Variants in PTPRM observed in about 807,000 individuals in gnomAD.
The protein encoded by PTPRM is receptor-type tyrosine-protein phosphatase mu.
In PTPRM, 47 loss-of-function variants were observed where a neutral mutation model predicts 186.7. The observed-to-expected ratio is 0.25, with a 90% confidence interval of 0.20 to 0.32. PTPRM has a LOEUF of 0.32. Among genes scored for constraint, PTPRM ranks in the 10% least tolerant of loss-of-function variants. The pLI is 1.00. For missense variants in PTPRM, 1,494 were observed against 1,865.0 expected (o/e 0.80, Z 3.66); for synonymous variants, 668 against 674.9 (o/e 0.99, Z 0.16).
chr18:7,729,632 T>G (rs2040617349), intron 1 of PTPRM, among the ~76,000 whole-genome samples: 1 of 152,198 alleles, frequency 6.6e-6, no homozygotes, highest in African/African-American at 2.4e-5. Context: ...AAAATGGCCT[T>G]GGGGCTCTTA....
At chr18:7,901,794 GTATT>G (rs1315509581) in intron 3 of PTPRM, among the ~76,000 whole-genome samples, 1 of 152,160 alleles carries the variant, frequency 6.6e-6, no homozygotes, top group Non-Finnish European at 1.5e-5. Flanking sequence ...TCATTTAGTC[GTATT>G]TATTTCACAA....
chr18:7,907,265 T>C (rs1438817103), intron 4 of PTPRM, among the ~76,000 whole-genome samples: 1 of 152,232 alleles, frequency 6.6e-6, no homozygotes, highest in Non-Finnish European at 1.5e-5. Context: ...AGTGGTGAGC[T>C]GGTTGTTGCA....
At chr18:8,172,373 A>G (rs1361381472) in intron 14 of PTPRM, among the ~76,000 whole-genome samples, 1 of 150,298 alleles carries the variant, frequency 6.7e-6, no homozygotes, top group South Asian at 2.1e-4. Context: ...ATAGCCTGTT[A>G]GTAGCTGTGT....
At chr18:8,296,529 A>G in intron 20 of PTPRM, 74 bp downstream of exon 20, 1 of 1,104,872 alleles carries the variant, frequency 9.1e-7, no homozygotes, top group Non-Finnish European at 1.4e-6. Flanking sequence ...CACCAGGCTC[A>G]TACAGAGGAA....
Position 7,982,589 on chromosome 18 carries a change from A to G in PTPRM, c.1132+27175A>G, listed in dbSNP as rs553940537. ...TAAAAAAGTATATTATAGTAAAACC[A>G]TAAACCAGTAACATAGTTGTCTATT... On this transcript the variant is annotated intron_variant, in intron 7 of 32. Transcript: ENST00000580170. Among the ~76,000 whole-genome samples the G allele has an allele frequency of 5.3e-5, 8 of 152,184 alleles. No homozygotes were observed. In the South Asian group the frequency reaches 1.0e-3, roughly 20 times the overall value.
intron 1 of PTPRM, among the ~76,000 whole-genome samples, chr18:7,626,044 G>A (rs890277593): frequency 1.1e-4 from 16 of 152,146 alleles, no homozygotes; most frequent in African/African-American, 3.6e-4. Flanking sequence ...CCTACTGTGA[G>A]GCTAAAATGC....
At chr18:8,252,876 A>G (rs1010457583) in intron 18 of PTPRM, among the ~76,000 whole-genome samples, 1 of 152,198 alleles carries the variant, frequency 6.6e-6, no homozygotes, top group Non-Finnish European at 1.5e-5. Context: ...TACTGAACTA[A>G]TGTTTCAAAG....
intron 14 of PTPRM, among the ~76,000 whole-genome samples, chr18:8,240,817 AG>A (rs2094424354): frequency 2.9e-4 from 10 of 34,686 alleles, no homozygotes; most frequent in African/African-American, 8.0e-4. Context: ...AGAGAGAGAG[AG>A]AGAGAGAGAA....
chr18:7,704,050 T>C (rs191611227), intron 1 of PTPRM, among the ~76,000 whole-genome samples: 2 of 152,322 alleles, frequency 1.3e-5, no homozygotes, highest in Non-Finnish European at 2.9e-5. Context: ...ATAAGGTTTT[T>C]GATATGCTGC....
At chr18:7,610,134 G>T (rs1299562480) in intron 1 of PTPRM, among the ~76,000 whole-genome samples, 7 of 152,120 alleles carry the variant, frequency 4.6e-5, no homozygotes, top group South Asian at 2.1e-4. Flanking sequence ...TTTTAAGAAA[G>T]GTCTCAAAGA....
rs1164982835 is a variant in PTPRM, at chr18:7,582,703, G to T, written c.73+14812G>T. Among the ~76,000 whole-genome samples, 25 of 152,234 alleles carry T rather than the reference G, an allele frequency of 1.6e-4. 1 individual carries two copies. The highest frequency in any genetic ancestry group is 1.6e-3 in the Admixed American group (25 of 15,286). ...GAAAAAGAAAAGTTTAGGGTTGGAA[G>T]AACTGCGTTCAAGGGCCAGCACTGC... On this transcript the variant is annotated intron_variant, in intron 1 of 32. Transcript: ENST00000580170.
At chr18:7,603,094 AT>A (rs2037447757) in intron 1 of PTPRM, among the ~76,000 whole-genome samples, 1 of 151,230 alleles carries the variant, frequency 6.6e-6, no homozygotes, top group African/African-American at 2.4e-5. Context: ...CGCCTGGCTA[AT>A]TTTTTTGTAT....
At chr18:7,608,447 T>C (rs1411982038) in intron 1 of PTPRM, among the ~76,000 whole-genome samples, 6 of 152,176 alleles carry the variant, frequency 3.9e-5, no homozygotes, top group Non-Finnish European at 8.8e-5. Context: ...AACCACTATA[T>C]TGGTTATCTG....
At chr18:8,201,566 C>CATGAAT (rs2093857630) in intron 14 of PTPRM, among the ~76,000 whole-genome samples, 1 of 152,160 alleles carries the variant, frequency 6.6e-6, no homozygotes, top group Non-Finnish European at 1.5e-5. Flanking sequence ...AAACAATGCA[C>CATGAAT]ATGAATTTTT....
intron 1 of PTPRM, among the ~76,000 whole-genome samples, chr18:7,708,712 G>A (rs1391341603): frequency 3.3e-5 from 5 of 152,108 alleles, no homozygotes; most frequent in Non-Finnish European, 7.4e-5. Flanking sequence ...TACTGGTAGA[G>A]GCTAGACTCC....
rs531121618 is a variant in PTPRM, at chr18:8,294,119, G to A, written c.2755-2249G>A. ...TACAAAAAGTCAGCTGGGCGTGGTG[G>A]TGCATGCCTGTAATTCCAGCTACTC... is the stretch of plus-strand genomic sequence containing the variant. On this transcript the variant is annotated intron_variant, in intron 19 of 32. Coordinates refer to ENST00000580170, the MANE Select transcript of PTPRM (RefSeq NM_001105244.2). 2.4e-4 allele frequency among the ~76,000 whole-genome samples: 36 copies of A among 152,226 alleles called. No homozygotes were observed. The East Asian group carries it at 5.8e-3, about 25-fold the overall frequency.
chr18:7,835,994 C>T (rs1407621827), intron 2 of PTPRM, among the ~76,000 whole-genome samples: 1 of 151,846 alleles, frequency 6.6e-6, no homozygotes, highest in Non-Finnish European at 1.5e-5. Context: ...GTCTTTATGC[C>T]TGAAGTATGT....
At chr18:7,962,214 C>T (rs1315378296) in intron 7 of PTPRM, among the ~76,000 whole-genome samples, 1 of 151,556 alleles carries the variant, frequency 6.6e-6, no homozygotes, top group East Asian at 1.9e-4. Context: ...CTGCCTTGTT[C>T]TTCTGTGAAC....
At chr18:7,626,381 T>A (rs560235793) in intron 1 of PTPRM, among the ~76,000 whole-genome samples, 1 of 152,134 alleles carries the variant, frequency 6.6e-6, no homozygotes, top group African/African-American at 2.4e-5. Flanking sequence ...ATGGACAGAG[T>A]TTAGGCAGAG....
Sources: allele counts gnomAD v4.1 joint callset (sites outside exome capture counted in the v4.1 genomes callset), GRCh38; gene constraint gnomAD v4.1.1; transcripts MANE v1.5; gene names NCBI Gene and HGNC (gene_info 2026-07-23, HGNC 2026-07-21).